PRSS55: variants seen among roughly 807,000 people sequenced by gnomAD.
PRSS55 encodes the protein probable serine protease UNQ9391/PRO34284.
In PRSS55, 41 loss-of-function variants were observed where a neutral mutation model predicts 23.6. The observed-to-expected ratio is 1.74, with a 90% confidence interval of 1.35 to 2.26. The LOEUF (loss-of-function observed/expected upper bound fraction) is 2.26, where lower values mean the gene tolerates loss of function less well. PRSS55 is among the 30% of genes most tolerant of loss of function. The pLI is 0.00. For missense variants in PRSS55, 669 were observed against 439.1 expected (o/e 1.52, Z -4.68); for synonymous variants, 262 against 175.5 (o/e 1.49, Z -3.90).
At chr8:10,548,106 C>T (rs1171508295) in intron 4 of PRSS55, among the ~76,000 whole-genome samples, 1 of 152,098 alleles carries the variant, frequency 6.6e-6, no homozygotes, top group African/African-American at 2.4e-5. Context: ...TGGGCCTTTC[C>T]AGAACAGAGA....
At position 10,532,922 on chromosome 8, in the gene PRSS55, G is replaced by A; in HGVS notation, c.615G>A (p.Val205=). The change falls in exon 4 of 5, where the codon GTG becomes GTA. Residue 205 remains valine (V), a synonymous_variant. Transcript: ENST00000328655. ...CTGGGCCAGCTGACAAAAACTCTGT[G>A]AAAACGGATCTGATGAAAGCGCCAA... ...GQTNAADKNS[V]KTDLMKAPMV... 1 of 1,614,210 alleles carries A rather than the reference G, an allele frequency of 6.2e-7. No homozygotes were observed. The highest frequency in any genetic ancestry group is 8.5e-7 in the Non-Finnish European group (1 of 1,180,034).
downstream of PRSS55, among the ~76,000 whole-genome samples, chr8:10,543,425 T>TTCCTTCCTTCCTTCCTTCCTTCCA (rs1812718120): frequency 4.3e-5 from 1 of 23,360 alleles, no homozygotes; most frequent in Non-Finnish European, 1.6e-4. Flanking sequence ...TCTTTCTTTC[T>TTCCTTCCTTCCTTCCTTCCTTCCA]TCCTTCCTTC....
At chr8:10,525,831 C>G in intron 1 of PRSS55, 92 bp downstream of exon 1, 3 of 1,345,230 alleles carry the variant, frequency 2.2e-6, no homozygotes, top group Non-Finnish European at 3.0e-6. Context: ...AAGGCCAGAG[C>G]TCCAGGGCTC....
chr8:10,548,721 G>C (rs535782864), intron 4 of PRSS55, among the ~76,000 whole-genome samples: 76 of 152,292 alleles, frequency 5.0e-4, no homozygotes, highest in Non-Finnish European at 8.5e-4. Context: ...AGGCACCCAC[G>C]GCTCCAAAGC....
At chr8:10,535,975 A>G (rs547029145) in intron 4 of PRSS55, among the ~76,000 whole-genome samples, 1 of 152,338 alleles carries the variant, frequency 6.6e-6, no homozygotes, top group Non-Finnish European at 1.5e-5. Flanking sequence ...TCACGAGGTC[A>G]GGAGATCAAG....
rs761186244 is a variant in PRSS55, at chr8:10,525,692, G to C, written c.107G>C (p.Arg36Thr). The change falls in exon 1 of 5, where the codon AGG (arginine) becomes ACG (threonine). Residue 36 changes from arginine (R) to threonine (T), a missense_variant. Arg to Thr is a moderately conservative substitution (Grantham distance 71, BLOSUM62 -1). Transcript: ENST00000328655. ...EAGVAILGRA[R>T]GAHRPQPPHP... ...GGAGTGGCTATCCTAGGCAGGGCTA[G>C]GGGAGCCCACCGCCCTCAGCCCCCT... 1 of 1,613,804 alleles carries C rather than the reference G, an allele frequency of 6.2e-7. No individual in the cohort carries two copies. The highest frequency in any genetic ancestry group is 8.5e-7 in the Non-Finnish European group (1 of 1,179,904).
intron 1 of PRSS55, 102 bp downstream of exon 1, chr8:10,525,841 C>A (rs1350966382): frequency 1.8e-5 from 22 of 1,190,552 alleles, no homozygotes; most frequent in Admixed American, 2.6e-5. Context: ...CTCCAGGGCT[C>A]CCCACATACC....
chr8:10,543,893 G>C (rs1349184407), intron 4 of PRSS55, among the ~76,000 whole-genome samples: 7 of 152,116 alleles, frequency 4.6e-5, no homozygotes, highest in Admixed American at 3.3e-4. Flanking sequence ...AACATACTTT[G>C]TATTATTTCA....
intron 4 of PRSS55, among the ~76,000 whole-genome samples, chr8:10,536,043 G>A (rs367634140): frequency 5.3e-5 from 8 of 152,194 alleles, no homozygotes; most frequent in East Asian, 1.9e-4. Context: ...AAAATTAGCC[G>A]GGCGTGGTGG....
chr8:10,544,557 T>G (rs1585892276), intron 4 of PRSS55, among the ~76,000 whole-genome samples: 1 of 152,332 alleles, frequency 6.6e-6, no homozygotes, highest in East Asian at 1.9e-4. Flanking sequence ...TTGGTTGGTT[T>G]TCCTGTATGA....
intron 4 of PRSS55, 85 bp from the exon 5 acceptor site, chr8:10,538,391 G>T (rs1812528972): frequency 2.8e-6 from 3 of 1,082,474 alleles, no homozygotes; most frequent in South Asian, 3.1e-5. Context: ...GGAGGCTGAG[G>T]AATCTTCCAT....
chr8:10,544,474 G>A (rs1745404879), intron 4 of PRSS55, among the ~76,000 whole-genome samples: 2 of 151,860 alleles, frequency 1.3e-5, no homozygotes, highest in Non-Finnish European at 1.5e-5. Context: ...GACAATCTCT[G>A]TCTTTTAATT....
intron 4 of PRSS55, among the ~76,000 whole-genome samples, chr8:10,553,626 G>A (rs1295227101): frequency 6.6e-6 from 1 of 152,232 alleles, no homozygotes; most frequent in Non-Finnish European, 1.5e-5. Context: ...GAGTAGAATG[G>A]TGGTTATGAG....
chr8:10,543,213 G>T (rs1365117225), downstream of PRSS55, among the ~76,000 whole-genome samples: 1 of 152,024 alleles, frequency 6.6e-6, no homozygotes, highest in Non-Finnish European at 1.5e-5. Context: ...GACATGCACA[G>T]GCTCTTTGAG....
chr8:10,538,360 T>C, intron 4 of PRSS55, 116 bp from the exon 5 acceptor site: 2 of 765,256 alleles, frequency 2.6e-6, no homozygotes, highest in South Asian at 3.7e-5. Flanking sequence ...AGGGATGGGG[T>C]GGGTTGGCAG....
At chr8:10,546,566 T>C (rs148129967) in intron 4 of PRSS55, among the ~76,000 whole-genome samples, 6 of 152,272 alleles carry the variant, frequency 3.9e-5, no homozygotes, top group African/African-American at 1.4e-4. Flanking sequence ...AGCCTTAGAC[T>C]TGGCTCTGCA....
At chr8:10,538,216 T>A (rs1485061005) in intron 4 of PRSS55, among the ~76,000 whole-genome samples, 2 of 152,104 alleles carry the variant, frequency 1.3e-5, no homozygotes, top group African/African-American at 4.8e-5. Flanking sequence ...GATGGAGTGG[T>A]CTTTTCTTAC....
Position 10,538,537 on chromosome 8 carries a change from G to A in PRSS55, c.803G>A (p.Gly268Asp), listed in dbSNP as rs144166129. Residue 268 changes from glycine (G) to aspartate (D), a missense_variant, in exon 5 of 5, where the codon GGC becomes GAC. By Grantham distance (94) the Gly-to-Asp change is moderately conservative. Transcript: ENST00000328655. ...CCTGGTGAGAAGTGGTACCAGGTGGGCATCATAAGCTGGGGAAAGAGCTGT... is the reference window on the plus strand; with the variant it reads ...CCTGGTGAGAAGTGGTACCAGGTGGACATCATAAGCTGGGGAAAGAGCTGT... ...PEPGEKWYQVGIISWGKSCGE... is the reference protein window; with the variant it reads ...PEPGEKWYQVDIISWGKSCGE... 20 of 1,614,034 alleles carry A rather than the reference G, an allele frequency of 1.2e-5. No individual in the cohort carries two copies. The highest frequency in any genetic ancestry group is 1.7e-5 in the Admixed American group (1 of 60,000).
intron 2 of PRSS55, among the ~76,000 whole-genome samples, chr8:10,530,939 A>T (rs1812231473): frequency 6.6e-6 from 1 of 152,146 alleles, no homozygotes; most frequent in South Asian, 2.1e-4. Context: ...TGAATGCCTT[A>T]TCTATCTGAA....
Sources: allele counts gnomAD v4.1 joint callset (sites outside exome capture counted in the v4.1 genomes callset), GRCh38; gene constraint gnomAD v4.1.1; transcripts MANE v1.5; gene names NCBI Gene and HGNC (gene_info 2026-07-23, HGNC 2026-07-21).